PRDM5: variants seen among roughly 807,000 people sequenced by gnomAD.
PRDM5 encodes the protein PR domain zinc finger protein 5.
A neutral mutation model predicts 81.2 loss-of-function variants in PRDM5; 56 were observed. The observed-to-expected ratio is 0.69, with a 90% CI of 0.56 to 0.86. The LOEUF (loss-of-function observed/expected upper bound fraction) is 0.86. Among genes scored for constraint, PRDM5 ranks in the 40% least tolerant of loss-of-function variants. The pLI, the probability that PRDM5 is intolerant of heterozygous loss-of-function variation, is 0.00. For missense variants in PRDM5, 697 were observed against 770.1 expected, an observed-to-expected ratio of 0.91 and a Z score of 1.12; for synonymous variants, 267 against 256.4, an observed-to-expected ratio of 1.04 and a Z score of -0.39.
chr4:120,828,224 T>C (rs1013095635), intron 3 of PRDM5, among the ~76,000 whole-genome samples: 4 of 152,048 alleles, frequency 2.6e-5, no homozygotes, highest in Non-Finnish European at 5.9e-5. Context: ...ATAAAGTGGG[T>C]TCAATAGTAT....
rs565174264 is a variant in PRDM5 at position 120,818,439 on chromosome 4, T to C, written c.564A>G (p.Thr188=). The change falls in exon 5 of 16, where the codon ACA becomes ACG. Residue 188 remains threonine (T), a synonymous_variant. Coordinates refer to ENST00000264808, the MANE Select transcript of PRDM5 (RefSeq NM_018699.4). ...TCTCCTCTGTGGGTTTCTGGTGCAA[T>C]GTCTGGAGATGCTCAGCAAGAATAT... ...SEDILAEHLQ[T]LHQKPTEEKE... is the part of the protein sequence containing the mutation. The C allele has an allele frequency of 2.0e-5, 32 of 1,613,782 alleles. No individual in the cohort carries two copies. In the Admixed American group the frequency reaches 2.7e-4, roughly 13 times the overall value.
chr4:120,872,290 A>C (rs943423515), intron 2 of PRDM5, among the ~76,000 whole-genome samples: 1 of 152,118 alleles, frequency 6.6e-6, no homozygotes, highest in African/African-American at 2.4e-5. Flanking sequence ...AAGAGGGAGA[A>C]GCAACTCAAA....
In PRDM5 at chr4:120,754,543, A is replaced by G. The variant is rs758370752; in HGVS notation, c.1623+10T>C. The stretch of plus-strand genomic sequence containing the variant: ...ATGATCAATATTAATGAAACAGAAT[A>G]TAATCTTACCCTGGTGTGAGTACGA... On this transcript the variant is annotated intron_variant, in intron 14 of 15. Coordinates refer to ENST00000264808, the MANE Select transcript of PRDM5 (RefSeq NM_018699.4). 3 of 1,530,122 alleles carry G rather than the reference A, an allele frequency of 2.0e-6. No individual in the cohort carries two copies. Among genetic ancestry groups the G allele is most frequent in the African/African-American group, 2.7e-5 (2 of 73,000 alleles). 94.8% of individuals were successfully genotyped at this position (1,530,122 alleles called of 1,614,324 possible). A position where few individuals can be genotyped will look rare whatever the true frequency, so the allele number is the denominator to read the frequency against.
Position 120,840,663 on chromosome 4 carries a change from C to T in PRDM5, c.300+12755G>A, listed in dbSNP as rs570978446. 2.4e-4 allele frequency among the ~76,000 whole-genome samples: 36 copies of T among 152,260 alleles called. No homozygotes were observed. In the South Asian group the frequency reaches 7.5e-3, roughly 32 times the overall value. On this transcript the variant is annotated intron_variant, in intron 3 of 15. Coordinates refer to ENST00000264808, the MANE Select transcript of PRDM5 (RefSeq NM_018699.4). ...AGCTTCATCTCAGGGCCCCTCTCTG[C>T]CCAACCTGGGACCGCAATATGGGGC...
At chr4:120,701,250 C>T (rs923677780) in intron 15 of PRDM5, among the ~76,000 whole-genome samples, 7 of 151,552 alleles carry the variant, frequency 4.6e-5, no homozygotes, top group Admixed American at 3.9e-4. Context: ...AGTTCAACCA[C>T]TGTGAAAAAC....
intron 3 of PRDM5, among the ~76,000 whole-genome samples, chr4:120,833,617 T>C (rs1174632245): frequency 6.6e-6 from 1 of 152,166 alleles, no homozygotes; most frequent in Non-Finnish European, 1.5e-5. Context: ...AGTCTTGTTG[T>C]TGCACTTCAA....
chr4:120,740,445 C>G (rs1290996404), intron 14 of PRDM5, among the ~76,000 whole-genome samples: 1 of 151,976 alleles, frequency 6.6e-6, no homozygotes, highest in East Asian at 1.9e-4. Flanking sequence ...AGTATCCGCT[C>G]CTCCCCTCCT....
chr4:120,750,779 CA>C, intron 14 of PRDM5, among the ~76,000 whole-genome samples: 1 of 152,044 alleles, frequency 6.6e-6, no homozygotes, highest in South Asian at 2.1e-4. Flanking sequence ...CAAACTCCTG[CA>C]ACCTTCCCAC....
In PRDM5 at chr4:120,825,542, G is replaced by A. The variant is rs1179181464; in HGVS notation, c.301-4197C>T. 8.6e-5 allele frequency among the ~76,000 whole-genome samples: 13 copies of A among 152,008 alleles called. 1 individual carries two copies. Among genetic ancestry groups the A allele is most frequent in the Admixed American group, 8.5e-4 (13 of 15,246 alleles). On this transcript the variant is annotated intron_variant, in intron 3 of 15. Transcript: ENST00000264808. ...AAATGGCATCTGCTTTCCCTTCAAA[G>A]CATGCTCAGAATGATTACTTCCCAC...
intron 14 of PRDM5, among the ~76,000 whole-genome samples, chr4:120,710,941 T>C (rs144042522): frequency 3.7e-4 from 57 of 152,262 alleles, no homozygotes; most frequent in African/African-American, 1.3e-3. Flanking sequence ...TCAGGAGAAA[T>C]AGGAATAACC....
In PRDM5 at chr4:120,828,519, T is replaced by C. The variant is rs529158647; in HGVS notation, c.301-7174A>G. On this transcript the variant is annotated intron_variant, in intron 3 of 15. Coordinates refer to ENST00000264808, the MANE Select transcript of PRDM5 (RefSeq NM_018699.4). ...AGGTCAGGAATGAAGTAGAATTAGT[T>C]ATCAAATTATGCAACTATAATTTTA... Among the ~76,000 whole-genome samples, 3 of 152,124 alleles carry C rather than the reference T, an allele frequency of 2.0e-5. No individual in the cohort carries two copies. The South Asian group carries it at 6.2e-4, about 31-fold the overall frequency.
intron 10 of PRDM5, among the ~76,000 whole-genome samples, chr4:120,795,735 A>T (rs1171425057): frequency 6.6e-6 from 1 of 152,264 alleles, no homozygotes; most frequent in South Asian, 2.1e-4. Context: ...CAATAGGGTG[A>T]AACCCTGTCT....
chr4:120,861,039 G>A lies in PRDM5; in HGVS notation c.178-7499C>T, dbSNP rs903684860. Among the ~76,000 whole-genome samples, 5 of 152,240 alleles carry A rather than the reference G, an allele frequency of 3.3e-5. No individual in the cohort carries two copies. The East Asian group carries it at 5.8e-4, about 18-fold the overall frequency. Reference sequence around the variant, plus strand: ...GTTGTTGTTGTTAACATGGAATCTCGCTCTGTGGCCCAGGCTGGAGTGCAG... The same window carrying A: ...GTTGTTGTTGTTAACATGGAATCTCACTCTGTGGCCCAGGCTGGAGTGCAG... On this transcript the variant is annotated intron_variant, in intron 2 of 15. Coordinates refer to ENST00000264808, the MANE Select transcript of PRDM5 (RefSeq NM_018699.4).
Position 120,872,857 on chromosome 4 carries a change from T to C in PRDM5, c.178-19317A>G, listed in dbSNP as rs9992480. Among the ~76,000 whole-genome samples, 1,293 of 152,196 alleles carry C rather than the reference T, an allele frequency of 8.5e-3. 21 individuals are homozygous for C. Among genetic ancestry groups the C allele is most frequent in the African/African-American group, 0.03 (1,235 of 41,532 alleles). On this transcript the variant is annotated intron_variant, in intron 2 of 15. Coordinates refer to ENST00000264808, the MANE Select transcript of PRDM5 (RefSeq NM_018699.4). ...GGGGAGGTGAGATGTTTAAAGGATA[T>C]AGAGTTTCCGATCTGCAAGATAGAA...
At chr4:120,704,925 T>A (rs1735897313) in intron 15 of PRDM5, among the ~76,000 whole-genome samples, 1 of 152,132 alleles carries the variant, frequency 6.6e-6, no homozygotes, top group Non-Finnish European at 1.5e-5. Flanking sequence ...AAGCTAAAGA[T>A]TAGATGTCAC....
At chr4:120,784,108 A>G (rs1409700686) in intron 11 of PRDM5, among the ~76,000 whole-genome samples, 1 of 152,122 alleles carries the variant, frequency 6.6e-6, no homozygotes, top group East Asian at 1.9e-4. Context: ...TTTTAGATAT[A>G]GTACTGTAGT....
chr4:120,754,643 A>C lies in PRDM5; in HGVS notation c.1538-5T>G, dbSNP rs1744464153. ...GACATTGATAGGGACGCTCACCTAC[A>C]AATAAAGGAAGCCTCCATGTCAGAA... On this transcript the variant is annotated splice_region_variant and splice_polypyrimidine_tract_variant and intron_variant, in intron 13 of 15. Coordinates refer to ENST00000264808, the MANE Select transcript of PRDM5 (RefSeq NM_018699.4). 2 of 1,572,104 alleles carry C rather than the reference A, an allele frequency of 1.3e-6. No homozygotes were observed. The highest frequency in any genetic ancestry group is 1.8e-6 in the Non-Finnish European group (2 of 1,142,738).
chr4:120,857,728 G>A (rs1233427096), intron 2 of PRDM5, among the ~76,000 whole-genome samples: 1 of 152,174 alleles, frequency 6.6e-6, no homozygotes, highest in East Asian at 1.9e-4. Flanking sequence ...AAAGAAGAAA[G>A]TGGAAATAGG....
chr4:120,737,975 A>G (rs185046302), intron 14 of PRDM5, among the ~76,000 whole-genome samples: 5 of 152,350 alleles, frequency 3.3e-5, no homozygotes, highest in Admixed American at 1.3e-4. Flanking sequence ...CTGCTAAGGA[A>G]AAAGAGATGT....
Sources: allele counts gnomAD v4.1 joint callset (sites outside exome capture counted in the v4.1 genomes callset), GRCh38; gene constraint gnomAD v4.1.1; transcripts MANE v1.5; gene names NCBI Gene and HGNC (gene_info 2026-07-23, HGNC 2026-07-21).